RGSL1: variants seen among roughly 807,000 people sequenced by gnomAD.
RGSL1 encodes regulator of G protein signaling protein-like.
Under a neutral mutation model 124.7 loss-of-function variants are expected in RGSL1, and 97 were observed. That is an observed-to-expected ratio of 0.78 (90% confidence interval 0.66 to 0.92). RGSL1 has a LOEUF of 0.92. RGSL1 is among the 40% of genes least tolerant of loss of function. RGSL1 has a pLI of 0.00. For synonymous variants in RGSL1, 424 were observed against 438.1 expected (o/e 0.97, Z 0.40); for missense variants, 1,233 against 1,288.4 (o/e 0.96, Z 0.66).
rs577630087 is a variant in RGSL1 at position 182,551,292 on chromosome 1, C to G, written c.3043+83C>G. The G allele has an allele frequency of 3.2e-3, 3,613 of 1,128,040 alleles. 14 individuals carry two copies. Among genetic ancestry groups the G allele is most frequent in the Non-Finnish European group, 3.9e-3 (2,990 of 775,552 alleles). 69.9% of individuals were successfully genotyped at this position (1,128,040 alleles called of 1,614,324 possible). On this transcript the variant is annotated intron_variant, in intron 18 of 21. Coordinates refer to ENST00000294854, the MANE Select transcript of RGSL1 (RefSeq NM_001137669.2). The stretch of plus-strand genomic sequence containing the variant: ...AAGCAAGGGCCCAAGGGGCCAAATT[C>G]AAGACTTCCTTGAGGGTGTTTGCTG...
chr1:182,469,375 C>T (rs1248697163), intron 4 of RGSL1, among the ~76,000 whole-genome samples: 3 of 152,014 alleles, frequency 2.0e-5, no homozygotes, highest in Non-Finnish European at 4.4e-5. Context: ...AACATTCCTC[C>T]AAAGAAGATA....
intron 4 of RGSL1, 67 bp downstream of exon 4, chr1:182,460,200 T>C: frequency 6.8e-7 from 1 of 1,476,090 alleles, no homozygotes; most frequent in East Asian, 2.5e-5. Flanking sequence ...ATATAGGAAG[T>C]CACACTTCAT....
chr1:182,516,458 A>G (rs1015345327), intron 9 of RGSL1, among the ~76,000 whole-genome samples: 1 of 152,214 alleles, frequency 6.6e-6, no homozygotes, highest in Admixed American at 6.5e-5. Flanking sequence ...AGTGTTATCA[A>G]TAAGTAAGGA....
Position 182,527,662 on chromosome 1 carries a change from T to C in RGSL1, c.2015T>C (p.Leu672Ser), listed in dbSNP as rs1658848674. Residue 672 changes from leucine (L) to serine (S), a missense_variant, in exon 11 of 22, where the codon TTG (leucine) becomes TCG (serine). Physicochemically the swap from Leu to Ser is moderately radical, Grantham distance 145. Transcript: ENST00000294854. ...AAGGAACGGAAGGCTAAAATCCCAT[T>C]GCAATTTCTCACAGCTGTACAGAAG... ...FLKERKAKIPLQFLTAVQKIS... is the reference protein window; with the variant it reads ...FLKERKAKIPSQFLTAVQKIS... 6.4e-7 allele frequency: 1 copy of C among 1,551,626 alleles called. No individual in the cohort carries two copies. Among genetic ancestry groups the C allele is most frequent in the Non-Finnish European group, 8.7e-7 (1 of 1,146,810 alleles).
chr1:182,500,593 T>A (rs1379463717), intron 9 of RGSL1, among the ~76,000 whole-genome samples: 1 of 152,210 alleles, frequency 6.6e-6, no homozygotes, highest in Non-Finnish European at 1.5e-5. Context: ...TAGATCATTT[T>A]GGGTAGCATC....
chr1:182,532,818 C>A, intron 14 of RGSL1, 27 bp downstream of exon 14: 1 of 1,541,856 alleles, frequency 6.5e-7, no homozygotes, highest in Non-Finnish European at 8.8e-7. Flanking sequence ...TTTACCCCCA[C>A]TCCCTGTTGA....
At chr1:182,539,144 A>C (rs981041586) in intron 14 of RGSL1, among the ~76,000 whole-genome samples, 18 of 152,278 alleles carry the variant, frequency 1.2e-4, no homozygotes, top group African/African-American at 4.3e-4. Flanking sequence ...AATAATACAA[A>C]TTAGGTCTCC....
rs147358070 is a variant in RGSL1 at position 182,477,743 on chromosome 1, C to T, written c.1431+3201C>T. ...CCCACCCATAGACATAATGACCTTA[C>T]TCATGGAAGCCAACAGCAGGCCTGC... On this transcript the variant is annotated intron_variant, in intron 6 of 21. Transcript: ENST00000294854. 5.8e-3 allele frequency among the ~76,000 whole-genome samples: 888 copies of T among 152,266 alleles called. 11 individuals are homozygous for T. Among genetic ancestry groups the T allele is most frequent in the African/African-American group, 0.021 (858 of 41,540 alleles).
chr1:182,461,978 A>G (rs1571478433), intron 4 of RGSL1, among the ~76,000 whole-genome samples: 1 of 152,300 alleles, frequency 6.6e-6, no homozygotes, highest in East Asian at 1.9e-4. Flanking sequence ...AAACCTCTCA[A>G]ACTTGATGGA....
intron 9 of RGSL1, among the ~76,000 whole-genome samples, chr1:182,498,424 A>G (rs1656097545): frequency 6.6e-6 from 1 of 152,170 alleles, no homozygotes. Context: ...CAAAATCAAG[A>G]AACTAGATTA....
At chr1:182,461,489 A>C (rs1652831486) in intron 4 of RGSL1, among the ~76,000 whole-genome samples, 1 of 152,250 alleles carries the variant, frequency 6.6e-6, no homozygotes, top group South Asian at 2.1e-4. Flanking sequence ...GGTCAATTTA[A>C]AGAAAATAAA....
chr1:182,527,564 T>A lies in RGSL1; in HGVS notation c.1932-15T>A. The A allele has an allele frequency of 6.5e-7, 1 of 1,535,562 alleles. No homozygotes were observed. Among genetic ancestry groups the A allele is most frequent in the Non-Finnish European group, 8.8e-7 (1 of 1,140,964 alleles). On this transcript the variant is annotated splice_polypyrimidine_tract_variant and intron_variant, in intron 10 of 21. Coordinates refer to ENST00000294854, the MANE Select transcript of RGSL1 (RefSeq NM_001137669.2). ...ATTCCTTTCTCTCTACCAAAGATGC[T>A]TTCTTGTTTTCCAGAAACTTGACAG...
chr1:182,496,139 G>A (rs1655893425), intron 9 of RGSL1, among the ~76,000 whole-genome samples: 1 of 152,104 alleles, frequency 6.6e-6, no homozygotes. Context: ...GACAGAAGGT[G>A]AAGGGGGAGC....
chr1:182,487,808 T>A (rs920905403), intron 6 of RGSL1, among the ~76,000 whole-genome samples: 1 of 152,220 alleles, frequency 6.6e-6, no homozygotes, highest in Non-Finnish European at 1.5e-5. Context: ...TGGGTTAATA[T>A]ATCTAGCTAA....
intron 8 of RGSL1, 101 bp downstream of exon 8, chr1:182,489,303 G>A (rs2102095739): frequency 9.6e-7 from 1 of 1,042,608 alleles, no homozygotes; most frequent in Non-Finnish European, 1.4e-6. Flanking sequence ...GCACTATGCA[G>A]TGCAGGGATT....
intron 15 of RGSL1, among the ~76,000 whole-genome samples, chr1:182,546,183 T>G (rs1445921890): frequency 6.6e-6 from 1 of 151,984 alleles, no homozygotes; most frequent in African/African-American, 2.4e-5. Context: ...CAGTACTATT[T>G]GTTTGTTTTG....
chr1:182,540,422 GT>G lies in RGSL1; in HGVS notation c.2669+2del. 1 of 1,549,432 alleles carries G rather than the reference GT, an allele frequency of 6.5e-7. No homozygotes were observed. The highest frequency in any genetic ancestry group is 1.4e-5 in the African/African-American group (1 of 73,032). ...TATATTTCTTTTCTGAAATGGAGAAGTAAGTTTTCCACTTCTCCTTCTTCTG... is the reference window on the plus strand; with the variant it reads ...TATATTTCTTTTCTGAAATGGAGAAGAAGTTTTCCACTTCTCCTTCTTCTG... On this transcript the variant is annotated splice_donor_variant, in intron 15 of 21. Coordinates refer to ENST00000294854, the MANE Select transcript of RGSL1 (RefSeq NM_001137669.2). LOFTEE classifies it high-confidence loss of function.
intron 15 of RGSL1, among the ~76,000 whole-genome samples, chr1:182,546,461 T>C (rs751623807): frequency 5.9e-5 from 9 of 152,194 alleles, no homozygotes; most frequent in East Asian, 1.9e-4. Context: ...TGGCACCATC[T>C]TGGCTCACTT....
rs1385255844 is a variant in RGSL1, at chr1:182,553,516, G to A, written c.3105G>A (p.Arg1035=). ...LRGIEWLQPQ[R]EAISSVQNSS... ...GTATTGAGTGGTTGCAGCCTCAACG[G>A]GAAGCAATAAGTTCAGTTCAAAATT... Residue 1035 remains arginine, a synonymous_variant, in exon 19 of 22, where the codon CGG becomes CGA. Transcript: ENST00000294854. 1.3e-6 allele frequency: 2 copies of A among 1,551,894 alleles called. No individual in the cohort carries two copies. The highest frequency in any genetic ancestry group is 1.7e-6 in the Non-Finnish European group (2 of 1,147,016).
Sources: allele counts gnomAD v4.1 joint callset (sites outside exome capture counted in the v4.1 genomes callset), GRCh38; gene constraint gnomAD v4.1.1; transcripts MANE v1.5; gene names NCBI Gene and HGNC (gene_info 2026-07-23, HGNC 2026-07-21).